SORCS1: variants seen among roughly 807,000 people sequenced by gnomAD.
SORCS1 encodes the protein VPS10 domain-containing receptor SorCS1.
In SORCS1, 60 loss-of-function variants were observed where a neutral mutation model predicts 146.1. The ratio of observed to expected loss-of-function variants is 0.41; its 90% confidence interval spans 0.33 to 0.51. The LOEUF is 0.51. SORCS1 is among the 20% of genes least tolerant of loss of function. The pLI, the probability that SORCS1 is intolerant of heterozygous loss-of-function variation, is 0.21. For missense variants in SORCS1, 1,352 were observed against 1,487.6 expected, an observed-to-expected ratio of 0.91 and a Z score of 1.50; for synonymous variants, 637 against 584.0, an observed-to-expected ratio of 1.09 and a Z score of -1.31.
At chr10:106,750,638 A>AGAAT (rs1326723956) in intron 5 of SORCS1, among the ~76,000 whole-genome samples, 1 of 134,924 alleles carries the variant, frequency 7.4e-6, no homozygotes, top group African/African-American at 2.8e-5. Context: ...CTGAGGCAGG[A>AGAAT]GAATGGCGTG....
chr10:106,663,830 T>G (rs966512939), intron 17 of SORCS1, among the ~76,000 whole-genome samples: 1 of 152,168 alleles, frequency 6.6e-6, no homozygotes, highest in African/African-American at 2.4e-5. Flanking sequence ...TTAGACAACA[T>G]GCTGATCAGT....
chr10:107,020,161 A>T (rs1195468171), intron 1 of SORCS1, among the ~76,000 whole-genome samples: 1 of 152,190 alleles, frequency 6.6e-6, no homozygotes, highest in African/African-American at 2.4e-5. Context: ...TAAAAACAAG[A>T]TATGAATAGG....
chr10:106,849,203 T>C (rs201014394), intron 2 of SORCS1, among the ~76,000 whole-genome samples: 37,758 of 145,176 alleles, frequency 0.26, 6,121 homozygotes, highest in Non-Finnish European at 0.36. Context: ...TACCATTCTC[T>C]GCATCACTTT....
rs190585927 is a variant in SORCS1, at chr10:106,986,331, A to C, written c.559-29751T>G. Among the ~76,000 whole-genome samples the C allele has an allele frequency of 2.6e-5, 4 of 152,326 alleles. No individual in the cohort carries two copies. The East Asian group carries it at 7.7e-4, about 29-fold the overall frequency. ...TGATAAAAATCCCCAAATTTGGTTT[A>C]AAAAACTTACATATTTAAGAAGCTC... On this transcript the variant is annotated intron_variant, in intron 1 of 25. Transcript: ENST00000263054.
intron 18 of SORCS1, among the ~76,000 whole-genome samples, chr10:106,644,368 AATT>A (rs1030826785): frequency 2.6e-5 from 4 of 151,440 alleles, no homozygotes; most frequent in African/African-American, 9.7e-5. Context: ...TAATAATAAT[AATT>A]ATTATTATTA....
At chr10:106,994,675 G>T (rs951753712) in intron 1 of SORCS1, among the ~76,000 whole-genome samples, 1 of 152,166 alleles carries the variant, frequency 6.6e-6, no homozygotes, top group Admixed American at 6.5e-5. Context: ...TTTAAATTTT[G>T]CTGGCAAACG....
intron 1 of SORCS1, among the ~76,000 whole-genome samples, chr10:107,024,492 C>T (rs1447836885): frequency 1.3e-5 from 2 of 152,202 alleles, no homozygotes; most frequent in Admixed American, 1.3e-4. Context: ...TTAGGTCCCA[C>T]TTCCAACACT....
At chr10:106,650,456 C>A (rs182418023) in intron 18 of SORCS1, among the ~76,000 whole-genome samples, 1 of 152,294 alleles carries the variant, frequency 6.6e-6, no homozygotes, top group African/African-American at 2.4e-5. Flanking sequence ...AACTTCTCAG[C>A]CTCTTATTGA....
chr10:106,858,568 A>G (rs575014072), intron 2 of SORCS1, among the ~76,000 whole-genome samples: 1 of 140,316 alleles, frequency 7.1e-6, no homozygotes, highest in Non-Finnish European at 1.5e-5. Flanking sequence ...AGATTGCACC[A>G]CTGCACTCCA....
At chr10:106,692,118 T>C (rs139264828) in intron 9 of SORCS1, among the ~76,000 whole-genome samples, 2,405 of 152,324 alleles carry the variant, frequency 0.016, 38 homozygotes, top group Non-Finnish European at 0.025. Flanking sequence ...CACAGCTCAC[T>C]GCAGCCACGA....
At chr10:107,081,496 G>A (rs1282555523) in intron 1 of SORCS1, among the ~76,000 whole-genome samples, 1 of 152,194 alleles carries the variant, frequency 6.6e-6, no homozygotes, top group African/African-American at 2.4e-5. Context: ...TCTGCCTCCT[G>A]TGGGTGAGAG....
At chr10:107,161,419 G>GCCCT (rs1449431177) in intron 1 of SORCS1, among the ~76,000 whole-genome samples, 1 of 152,148 alleles carries the variant, frequency 6.6e-6, no homozygotes, top group Non-Finnish European at 1.5e-5. Context: ...CTCCAATCTG[G>GCCCT]CCCTCGGGTT....
At chr10:106,671,430 G>A (rs2135474364) in intron 15 of SORCS1, 63 bp from the exon 16 acceptor site, 3 of 1,601,580 alleles carry the variant, frequency 1.9e-6, no homozygotes, top group East Asian at 2.2e-5. Context: ...TGCTCCACAT[G>A]AGTGACATTT....
chr10:106,933,664 G>A (rs1337240148), intron 2 of SORCS1, among the ~76,000 whole-genome samples: 1 of 151,930 alleles, frequency 6.6e-6, no homozygotes, highest in African/African-American at 2.4e-5. Context: ...CTATGGCAGA[G>A]GAAAGCACAA....
intron 3 of SORCS1, among the ~76,000 whole-genome samples, chr10:106,786,117 A>G (rs1296583775): frequency 2.0e-5 from 3 of 152,182 alleles, no homozygotes; most frequent in East Asian, 3.8e-4. Flanking sequence ...CATACCTCAG[A>G]AGCATTAGAA....
chr10:107,084,885 A>G (rs1390939983), intron 1 of SORCS1, among the ~76,000 whole-genome samples: 1 of 152,206 alleles, frequency 6.6e-6, no homozygotes, highest in Non-Finnish European at 1.5e-5. Flanking sequence ...GGAAAACACT[A>G]GAATCAATCG....
intron 2 of SORCS1, among the ~76,000 whole-genome samples, chr10:106,952,985 A>G (rs1310838084): frequency 1.3e-5 from 2 of 151,990 alleles, no homozygotes; most frequent in Admixed American, 6.6e-5. Flanking sequence ...TCTGTCTCAA[A>G]TACTACTACT....
chr10:106,944,845 T>TA lies in SORCS1; in HGVS notation c.626+11667dup, dbSNP rs541908822. Among the ~76,000 whole-genome samples the TA allele has an allele frequency of 2.4e-3, 321 of 133,526 alleles. 2 individuals are homozygous for TA. The highest frequency in any genetic ancestry group is 4.3e-3 in the Middle Eastern group (1 of 232). The allele number at this position is 133,526 out of a possible 152,430, so 87.6% of individuals were successfully genotyped here. ...AGTGAATGAAAGAAACAAAGAGAGCTATGGTAGAAAGAAGCAAGAAAGAGC... is the reference window on the plus strand; with the variant it reads ...AGTGAATGAAAGAAACAAAGAGAGCTAATGGTAGAAAGAAGCAAGAAAGAGC... On this transcript the variant is annotated intron_variant, in intron 2 of 25. Transcript: ENST00000263054.
chr10:106,713,224 T>C (rs1472665307), intron 6 of SORCS1, among the ~76,000 whole-genome samples: 1 of 152,206 alleles, frequency 6.6e-6, no homozygotes, highest in Admixed American at 6.5e-5. Context: ...CTGTTGATGG[T>C]ACTGAGCCTC....
Sources: allele counts gnomAD v4.1 joint callset (sites outside exome capture counted in the v4.1 genomes callset), GRCh38; gene constraint gnomAD v4.1.1; transcripts MANE v1.5; gene names NCBI Gene and HGNC (gene_info 2026-07-23, HGNC 2026-07-21).